Variants in LRBA observed in about 807,000 individuals in gnomAD.
LRBA encodes the protein LPS responsive beige-like anchor protein.
A neutral mutation model predicts 330.0 loss-of-function variants in LRBA; 176 were observed. The observed-to-expected ratio is 0.53, with a 90% CI of 0.47 to 0.60. The LOEUF is 0.60. Among genes scored for constraint, LRBA ranks in the 20% least tolerant of loss-of-function variants. The pLI, the probability that LRBA is intolerant of heterozygous loss-of-function variation, is 0.00. For synonymous variants in LRBA, 1,230 were observed against 1,193.0 expected (o/e 1.03, Z -0.64); for missense variants, 3,259 against 3,444.8 (o/e 0.95, Z 1.35).
intron 34 of LRBA, among the ~76,000 whole-genome samples, chr4:150,797,576 AG>A (rs1740976090): frequency 6.6e-6 from 1 of 152,062 alleles, no homozygotes; most frequent in African/African-American, 2.4e-5. Flanking sequence ...TTTTGCTCTT[AG>A]GAATTTATTT....
chr4:150,538,824 A>AAAAAC (rs1561320808), intron 40 of LRBA, among the ~76,000 whole-genome samples: 2 of 151,760 alleles, frequency 1.3e-5, no homozygotes, highest in African/African-American at 4.9e-5. Flanking sequence ...CAAAAAAAAA[A>AAAAAC]AAAAAACAAA....
intron 34 of LRBA, among the ~76,000 whole-genome samples, chr4:150,768,665 C>G (rs1262682046): frequency 6.6e-6 from 1 of 151,892 alleles, no homozygotes; most frequent in African/African-American, 2.4e-5. Context: ...CAACTCATAC[C>G]CAGACATATA....
chr4:150,307,775 G>A (rs1730552466), intron 52 of LRBA, among the ~76,000 whole-genome samples: 1 of 151,876 alleles, frequency 6.6e-6, no homozygotes, highest in Non-Finnish European at 1.5e-5. Context: ...AAAAAGACAT[G>A]TCCAAGACTC....
intron 44 of LRBA, among the ~76,000 whole-genome samples, chr4:150,439,100 A>C (rs1312881226): frequency 6.6e-6 from 1 of 152,190 alleles, no homozygotes; most frequent in Non-Finnish European, 1.5e-5. Context: ...TGTTGTCCCT[A>C]AAGAATGAGC....
intron 47 of LRBA, among the ~76,000 whole-genome samples, chr4:150,352,246 C>T (rs959745436): frequency 3.3e-5 from 5 of 152,048 alleles, no homozygotes; most frequent in African/African-American, 9.7e-5. Flanking sequence ...AGACATAAAC[C>T]ATCTTGTGAC....
At chr4:150,389,981 T>A (rs1743696064) in intron 47 of LRBA, among the ~76,000 whole-genome samples, 1 of 151,250 alleles carries the variant, frequency 6.6e-6, no homozygotes, top group Non-Finnish European at 1.5e-5. Flanking sequence ...ACATCAATAT[T>A]TATTCAGAAA....
chr4:150,764,149 T>C (rs1038856581), intron 34 of LRBA, among the ~76,000 whole-genome samples: 3 of 152,072 alleles, frequency 2.0e-5, no homozygotes, highest in Middle Eastern at 3.4e-3. Flanking sequence ...AAATTACCTT[T>C]CTTGCTAGAA....
At chr4:150,835,330 A>C (rs1747867199) in intron 28 of LRBA, among the ~76,000 whole-genome samples, 1 of 152,194 alleles carries the variant, frequency 6.6e-6, no homozygotes, top group Non-Finnish European at 1.5e-5. Flanking sequence ...AGTTTTATCC[A>C]ATTCTGTGAA....
chr4:150,990,640 G>T (rs1488642401), intron 2 of LRBA, among the ~76,000 whole-genome samples: 1 of 152,208 alleles, frequency 6.6e-6, no homozygotes, highest in South Asian at 2.1e-4. Context: ...GGAGGCTGAG[G>T]TTGGAGGATC....
intron 2 of LRBA, chr4:151,013,451 G>C (rs1294270762): frequency 1.3e-5 from 2 of 152,166 alleles, no homozygotes; most frequent in Non-Finnish European, 2.9e-5. Flanking sequence ...AGAATCGCCT[G>C]AACCCAGGAA....
chr4:150,964,712 G>C (rs940652149), intron 2 of LRBA, among the ~76,000 whole-genome samples: 5 of 151,856 alleles, frequency 3.3e-5, no homozygotes, highest in African/African-American at 9.7e-5. Flanking sequence ...CTCTGCCTAG[G>C]AAAACCAGAG....
At chr4:150,636,343 T>A (rs2126691801) in intron 37 of LRBA, among the ~76,000 whole-genome samples, 1 of 152,296 alleles carries the variant, frequency 6.6e-6, no homozygotes, top group South Asian at 2.1e-4. Flanking sequence ...TTGCTATCTA[T>A]TAGATAATAT....
chr4:150,817,239 T>C lies in LRBA; in HGVS notation c.5190A>G (p.Ala1730=). Residue 1730 remains alanine (A), a synonymous_variant, in exon 31 of 57, where the codon GCA becomes GCG. Transcript: ENST00000651943. ...RSFDRSVIVA[A]KKSAVSPSTF... ...TGGAAGGTGAGACTGCTGACTTTTTTGCTGCAACAATGACACTTCTGTAAT... is the reference window on the plus strand; with the variant it reads ...TGGAAGGTGAGACTGCTGACTTTTTCGCTGCAACAATGACACTTCTGTAAT... The C allele has an allele frequency of 6.2e-7, 1 of 1,612,168 alleles. No homozygotes were observed.
intron 37 of LRBA, among the ~76,000 whole-genome samples, chr4:150,608,054 T>C (rs1489760613): frequency 6.6e-6 from 1 of 151,400 alleles, no homozygotes; most frequent in South Asian, 2.1e-4. Context: ...AAAGAAAAGA[T>C]ACAAAAATTA....
At chr4:150,294,771 G>A (rs1728752670) in intron 53 of LRBA, among the ~76,000 whole-genome samples, 1 of 152,274 alleles carries the variant, frequency 6.6e-6, no homozygotes, top group Middle Eastern at 3.4e-3. Flanking sequence ...CCAACATGGT[G>A]AAACCCTGTC....
chr4:150,875,604 C>T (rs984570000), intron 17 of LRBA, among the ~76,000 whole-genome samples: 14 of 152,242 alleles, frequency 9.2e-5, no homozygotes, highest in Non-Finnish European at 1.3e-4. Flanking sequence ...AACCTGCTGA[C>T]GGAAGTGTAT....
At position 150,683,634 on chromosome 4, in the gene LRBA, G is replaced by A. The variant is rs530091403; in HGVS notation, c.5838C>T (p.Asp1946=). The A allele has an allele frequency of 2.5e-6, 4 of 1,613,212 alleles. No individual in the cohort carries two copies. The highest frequency in any genetic ancestry group is 2.2e-5 in the East Asian group (1 of 44,858). The stretch of plus-strand genomic sequence containing the variant: ...GGATTAGTTGAGTTGCTGTCACGTG[G>A]TCACGATATTTTGCTGCTCTTATCA... ...DHLIRAAKYR[D]HVTATQLIQK... The change falls in exon 37 of 57, where the codon GAC becomes GAT. Residue 1946 remains aspartate, a synonymous_variant. Coordinates refer to ENST00000651943, the MANE Select transcript of LRBA (RefSeq NM_001364905.1).
chr4:150,871,599 G>T (rs551713046), intron 18 of LRBA, 146 bp from the exon 19 acceptor site: 2 of 524,462 alleles, frequency 3.8e-6, no homozygotes, highest in East Asian at 2.9e-5. Flanking sequence ...CTTCAATCTA[G>T]AACTTTTAAG....
At chr4:150,611,310 T>C (rs1009653405) in intron 37 of LRBA, among the ~76,000 whole-genome samples, 3 of 152,184 alleles carry the variant, frequency 2.0e-5, no homozygotes, top group African/African-American at 7.2e-5. Context: ...ATTAGAGATA[T>C]AACACCTATT....
Sources: allele counts gnomAD v4.1 joint callset (sites outside exome capture counted in the v4.1 genomes callset), GRCh38; gene constraint gnomAD v4.1.1; transcripts MANE v1.5; gene names NCBI Gene and HGNC (gene_info 2026-07-23, HGNC 2026-07-21).